PCNX2: variants seen among roughly 807,000 people sequenced by gnomAD.
PCNX2 encodes the protein pecanex 2, also known as pecanex-like protein 2.
A neutral mutation model predicts 223.8 loss-of-function variants in PCNX2; 168 were observed. The observed-to-expected ratio is 0.75, with a 90% CI of 0.66 to 0.85. PCNX2 has a LOEUF of 0.85. Among genes scored for constraint, PCNX2 ranks in the 40% least tolerant of loss-of-function variants. The pLI, the probability that PCNX2 is intolerant of heterozygous loss-of-function variation, is 0.00. For missense variants in PCNX2, 2,507 were observed against 2,675.5 expected, an observed-to-expected ratio of 0.94 and a Z score of 1.39; for synonymous variants, 1,006 against 1,052.6, an observed-to-expected ratio of 0.96 and a Z score of 0.86.
At chr1:233,292,111 ATAAT>A (rs1416809195) in intron 1 of PCNX2, 1 of 837,026 alleles carries the variant, frequency 1.2e-6, no homozygotes, top group African/African-American at 1.8e-5. Flanking sequence ...ATTTGCCTCA[ATAAT>A]TAATAATAAA....
chr1:233,308,198 T>C, the PCNX2 span, among the ~76,000 whole-genome samples: 1 of 152,340 alleles, frequency 6.6e-6, no homozygotes, highest in African/African-American at 2.4e-5. Context: ...GGCTCACGCC[T>C]GTAATCCCAG....
At chr1:233,226,726 G>T (rs1285617975) in intron 10 of PCNX2, among the ~76,000 whole-genome samples, 1 of 152,160 alleles carries the variant, frequency 6.6e-6, no homozygotes, top group African/African-American at 2.4e-5. Context: ...TCAAGTGAGT[G>T]TACATCAGAT....
chr1:233,145,470 C>CGAAA (rs949038718), intron 19 of PCNX2, among the ~76,000 whole-genome samples: 4 of 152,276 alleles, frequency 2.6e-5, no homozygotes, highest in African/African-American at 7.2e-5. Context: ...ACTTCTATTT[C>CGAAA]CCCCAGCACT....
intron 25 of PCNX2, among the ~76,000 whole-genome samples, chr1:233,038,834 C>T (rs1181444364): frequency 1.3e-5 from 2 of 152,206 alleles, no homozygotes; most frequent in Non-Finnish European, 2.9e-5. Flanking sequence ...TAAATGTCCC[C>T]ACAGGCCAGT....
chr1:233,090,755 A>G (rs1164170264), intron 22 of PCNX2, among the ~76,000 whole-genome samples: 5 of 152,158 alleles, frequency 3.3e-5, no homozygotes. Context: ...TTTTAAGCAA[A>G]AAACACCACA....
Position 233,000,329 on chromosome 1 carries a change from G to A in PCNX2, c.5304C>T (p.Ser1768=). Residue 1768 remains serine, a synonymous_variant, in exon 30 of 34, where the codon AGC becomes AGT. Transcript: ENST00000258229. The surrounding 1 kb of genome is among the most constrained non-coding windows in gnomAD (Gnocchi z 4.6). ...CCTTGATCACCTTGAAGCTCAGGAAGCTTCTGTGGAGCATGATGACCTTGT... is the reference window on the plus strand; with the variant it reads ...CCTTGATCACCTTGAAGCTCAGGAAACTTCTGTGGAGCATGATGACCTTGT... ...DEYKVIMLHR[S]FLSFKVIKVN... The A allele has an allele frequency of 3.1e-6, 5 of 1,614,016 alleles. No individual in the cohort carries two copies. The highest frequency in any genetic ancestry group is 2.7e-5 in the African/African-American group (2 of 75,060).
At chr1:233,030,818 T>C (rs1271810226) in intron 25 of PCNX2, among the ~76,000 whole-genome samples, 19 of 152,252 alleles carry the variant, frequency 1.2e-4, no homozygotes, top group Non-Finnish European at 1.5e-5. Context: ...CAGTTACCAT[T>C]CTCTGTCAGG....
At chr1:233,144,877 A>G (rs191128990) in intron 19 of PCNX2, among the ~76,000 whole-genome samples, 37 of 151,868 alleles carry the variant, frequency 2.4e-4, no homozygotes, top group African/African-American at 8.7e-4. Context: ...AAAGAAATAC[A>G]TAATTTTAAT....
intron 1 of PCNX2, chr1:233,289,015 G>A (rs953225326): frequency 1.5e-5 from 21 of 1,393,214 alleles, no homozygotes; most frequent in African/African-American, 7.1e-5. Flanking sequence ...AGTTTCACGC[G>A]GATTCTCTTG....
At chr1:233,222,344 T>C (rs995671813) in intron 10 of PCNX2, among the ~76,000 whole-genome samples, 1 of 152,114 alleles carries the variant, frequency 6.6e-6, no homozygotes, top group African/African-American at 2.4e-5. Context: ...TGGGGAGCCA[T>C]TGCTGGGCAG....
chr1:233,272,202 G>C (rs1660672518), intron 1 of PCNX2, among the ~76,000 whole-genome samples: 1 of 150,748 alleles, frequency 6.6e-6, no homozygotes, highest in African/African-American at 2.4e-5. Flanking sequence ...AGAGTAAACA[G>C]ACAACCCACA....
chr1:233,011,937 A>G (rs563387882), intron 28 of PCNX2, among the ~76,000 whole-genome samples: 1 of 152,280 alleles, frequency 6.6e-6, no homozygotes, highest in African/African-American at 2.4e-5. Context: ...GGGACCCCTC[A>G]TGTAGAAGCC....
intron 32 of PCNX2, among the ~76,000 whole-genome samples, chr1:232,989,236 C>T (rs973500991): frequency 7.9e-5 from 12 of 152,260 alleles, no homozygotes; most frequent in Middle Eastern, 6.8e-3. Context: ...AGGCAGATCA[C>T]GAGGTCAGGA....
chr1:233,089,401 T>C (rs1673759890), intron 23 of PCNX2, among the ~76,000 whole-genome samples: 1 of 152,166 alleles, frequency 6.6e-6, no homozygotes, highest in Non-Finnish European at 1.5e-5. Context: ...CTGCTAGCTA[T>C]TCTCAAGACC....
intron 28 of PCNX2, among the ~76,000 whole-genome samples, chr1:233,011,632 C>T (rs928855151): frequency 2.0e-5 from 3 of 152,092 alleles, no homozygotes; most frequent in African/African-American, 4.8e-5. Flanking sequence ...ACCAATGACG[C>T]TCCATAAAAA....
chr1:233,112,744 G>C, intron 21 of PCNX2: 1 of 963,480 alleles, frequency 1.0e-6, no homozygotes, highest in Non-Finnish European at 1.4e-6. Context: ...ATTTATTATA[G>C]TATACTTTGG....
At chr1:233,057,414 T>C in intron 23 of PCNX2, 124 bp from the exon 24 acceptor site, 2 of 732,446 alleles carry the variant, frequency 2.7e-6, no homozygotes. Context: ...GTTAAGACGA[T>C]TGCTGTAGTT....
chr1:233,262,079 T>C lies in PCNX2; in HGVS notation c.446A>G (p.Gln149Arg). Residue 149 changes from glutamine (Q) to arginine (R), a missense_variant, in exon 3 of 34, where the codon CAA becomes CGA. By Grantham distance (43) the Gln-to-Arg change is conservative. This residue lies in a region of PCNX2 where 1,031 missense variants were observed against 1,021.7 expected (regional missense o/e 1.01). Transcript: ENST00000258229. ...AGAAGAGTGATGAGAGGTTATGCTTTGCCCTCTGGAGCTGCAGCGGAGGGG... is the reference window on the plus strand; with the variant it reads ...AGAAGAGTGATGAGAGGTTATGCTTCGCCCTCTGGAGCTGCAGCGGAGGGG... ...TPPLRCSSRG[Q>R]SITSHHSSGP... 6.2e-7 allele frequency: 1 copy of C among 1,613,932 alleles called. No individual in the cohort carries two copies. Among genetic ancestry groups the C allele is most frequent in the Non-Finnish European group, 8.5e-7 (1 of 1,179,816 alleles).
At chr1:233,079,586 T>C (rs890811093) in intron 23 of PCNX2, among the ~76,000 whole-genome samples, 4 of 151,762 alleles carry the variant, frequency 2.6e-5, no homozygotes, top group African/African-American at 4.8e-5. Flanking sequence ...TAAAAGCCAT[T>C]ACTTTCTTTT....
Sources: allele counts gnomAD v4.1 joint callset (sites outside exome capture counted in the v4.1 genomes callset), GRCh38; gene constraint gnomAD v4.1.1; regional missense constraint gnomAD v4.1.1; non-coding constraint Gnocchi (gnomAD v3.1); transcripts MANE v1.5; gene names NCBI Gene and HGNC (gene_info 2026-07-23, HGNC 2026-07-21).